SYNE1: variants seen among roughly 807,000 people sequenced by gnomAD.
SYNE1 encodes the protein spectrin repeat containing nuclear envelope protein 1.
A neutral mutation model predicts 1,111.0 loss-of-function variants in SYNE1; 616 were observed. The observed-to-expected ratio is 0.55, with a 90% CI of 0.52 to 0.59. The LOEUF (loss-of-function observed/expected upper bound fraction) is 0.59. SYNE1 is among the 20% of genes least tolerant of loss of function. The pLI, the probability that SYNE1 is intolerant of heterozygous loss-of-function variation, is 0.00. For synonymous variants in SYNE1, 3,855 were observed against 3,825.8 expected (o/e 1.01, Z -0.28); for missense variants, 10,006 against 10,417.0 (o/e 0.96, Z 1.72).
intron 114 of SYNE1, 57 bp downstream of exon 114, chr6:152,231,334 T>G: frequency 6.3e-7 from 1 of 1,588,092 alleles, no homozygotes; most frequent in East Asian, 2.2e-5. Flanking sequence ...CCTTACAGAG[T>G]GTGCCTGTTC....
At chr6:152,315,823 G>A (rs1172525803) in intron 87 of SYNE1, 1 of 152,172 alleles carries the variant, frequency 6.6e-6, no homozygotes, top group Non-Finnish European at 1.5e-5. Flanking sequence ...GAATACGCAA[G>A]ATTGATCAGA....
intron 19 of SYNE1, among the ~76,000 whole-genome samples, chr6:152,463,092 T>C (rs765084360): frequency 1.7e-4 from 26 of 152,188 alleles, no homozygotes; most frequent in Non-Finnish European, 3.7e-4. Context: ...TGAAGAAATA[T>C]GATTTGAAAC....
Position 152,148,614 on chromosome 6 carries a change from G to A in SYNE1, c.24643-236C>T, listed in dbSNP as rs2059896889. 6.6e-6 allele frequency among the ~76,000 whole-genome samples: 1 copy of A among 151,818 alleles called. No homozygotes were observed. The highest frequency in any genetic ancestry group is 2.1e-4 in the South Asian group (1 of 4,820). On this transcript the variant is annotated intron_variant, in intron 136 of 145. Coordinates refer to ENST00000367255, the MANE Select transcript of SYNE1 (RefSeq NM_182961.4). The surrounding 1 kb of genome is among the most constrained non-coding windows in gnomAD (Gnocchi z 4.1). The stretch of plus-strand genomic sequence containing the variant: ...CTTGGATAAGGAACTTAATTCCTCT[G>A]GGCCTCAGTTTTCTCATCTATAAAA...
chr6:152,368,234 C>T (rs905660014), intron 61 of SYNE1: 13 of 152,340 alleles, frequency 8.5e-5, no homozygotes. Flanking sequence ...AAGTTAAAAA[C>T]ATAGGAAACA....
rs74984131 is a variant in SYNE1, at chr6:152,348,896, A to G, written c.11901+1272T>C. On this transcript the variant is annotated intron_variant, in intron 72 of 145. Transcript: ENST00000367255. ...AAACAGCGCTGGGCTAGCAGTTATCATATATGCTCAGTTGAAAAGAACCAC... is the reference window on the plus strand; with the variant it reads ...AAACAGCGCTGGGCTAGCAGTTATCGTATATGCTCAGTTGAAAAGAACCAC... Among the ~76,000 whole-genome samples the G allele has an allele frequency of 7.2e-3, 1,098 of 152,242 alleles. 8 individuals carry two copies. The highest frequency in any genetic ancestry group is 0.018 in the South Asian group (88 of 4,818).
chr6:152,359,756 C>T (rs1259205951), intron 64 of SYNE1, among the ~76,000 whole-genome samples: 1 of 151,980 alleles, frequency 6.6e-6, no homozygotes, highest in African/African-American at 2.4e-5. Flanking sequence ...CAGAAATGGA[C>T]CCCTGATGTT....
chr6:152,136,422 G>C (rs149235654), intron 141 of SYNE1, among the ~76,000 whole-genome samples, 196 bp downstream of exon 141: 111 of 152,336 alleles, frequency 7.3e-4, no homozygotes, highest in African/African-American at 2.5e-3. Context: ...ATAGGACCTA[G>C]AGATTTTGAA....
In SYNE1 at chr6:152,176,426, C is replaced by T; in HGVS notation, c.23595G>A (p.Arg7865=). ...IEYKLGKVND[R]WQHLLDLIAA... ...CAATGAGGTCCAGGAGATGCTGCCA[C>T]CGGTCGTTGACCTTTCCCAGCTTGT... Residue 7865 remains arginine, a synonymous_variant, in exon 130 of 146, where the codon CGG becomes CGA. Coordinates refer to ENST00000367255, the MANE Select transcript of SYNE1 (RefSeq NM_182961.4). 6.2e-7 allele frequency: 1 copy of T among 1,614,220 alleles called. No homozygotes were observed. The highest frequency in any genetic ancestry group is 1.3e-5 in the African/African-American group (1 of 75,072).
At chr6:152,512,297 G>A (rs947535004) in intron 6 of SYNE1, among the ~76,000 whole-genome samples, 4 of 152,006 alleles carry the variant, frequency 2.6e-5, no homozygotes, top group Non-Finnish European at 4.4e-5. Context: ...ATTGAGAACT[G>A]GTATAGATTA....
At chr6:152,180,048 A>G in intron 129 of SYNE1, 88 bp downstream of exon 129, 1 of 1,387,672 alleles carries the variant, frequency 7.2e-7, no homozygotes, top group Non-Finnish European at 1.0e-6. Context: ...CAGGAAAGTA[A>G]TTGTGAGTAA....
rs1160345682 is a variant in SYNE1, at chr6:152,395,621, T to C, written c.7607A>G (p.Glu2536Gly). ...TCCCAAGTTTTCCGTATTGAACCTT[T>C]CTTCCATTTCATGGATCCATAAGTT... ...KLNLWIHEMEERFNTENLGES... is the reference protein window; with the variant it reads ...KLNLWIHEMEGRFNTENLGES... Residue 2536 changes from glutamate to glycine, a missense_variant, in exon 51 of 146, where the codon GAA (glutamate) becomes GGA (glycine). Glu to Gly is a moderately conservative substitution (Grantham distance 98). This residue lies in a region of SYNE1 where 4,955 missense variants were observed against 5,017.2 expected (regional missense o/e 0.99). Transcript: ENST00000367255. The C allele has an allele frequency of 6.2e-7, 1 of 1,614,182 alleles. No individual in the cohort carries two copies. The highest frequency in any genetic ancestry group is 1.1e-5 in the South Asian group (1 of 91,088).
At chr6:152,365,893 C>T (rs2097067518) in intron 62 of SYNE1, among the ~76,000 whole-genome samples, 1 of 152,238 alleles carries the variant, frequency 6.6e-6, no homozygotes, top group Non-Finnish European at 1.5e-5. Context: ...CCAGTTTCTG[C>T]TGTGGCAATA....
intron 105 of SYNE1, among the ~76,000 whole-genome samples, chr6:152,247,396 C>T (rs1200143481): frequency 2.6e-5 from 4 of 152,074 alleles, no homozygotes; most frequent in Non-Finnish European, 5.9e-5. Flanking sequence ...AAAATTATTA[C>T]TTGTGATCAT....
rs1410808064 is a variant in SYNE1 at position 152,225,458 on chromosome 6, A to G, written c.21351+263T>C. On this transcript the variant is annotated intron_variant, in intron 116 of 145. Transcript: ENST00000367255. ...TTGTATATCTTTTGCCAGGCTGGAG[A>G]CAGATGTTTGAGAATGATCTATTGC... Among the ~76,000 whole-genome samples, 3 of 151,998 alleles carry G rather than the reference A, an allele frequency of 2.0e-5. No homozygotes were observed. In the East Asian group the frequency reaches 5.8e-4, roughly 29 times the overall value.
At chr6:152,588,067 C>T (rs1049033091) in intron 3 of SYNE1, among the ~76,000 whole-genome samples, 3 of 152,188 alleles carry the variant, frequency 2.0e-5, no homozygotes, top group African/African-American at 7.2e-5. Context: ...AATTTCAAGA[C>T]TGCTTCACCT....
intron 13 of SYNE1, among the ~76,000 whole-genome samples, chr6:152,483,596 C>T (rs2098921438): frequency 6.6e-6 from 1 of 152,080 alleles, no homozygotes; most frequent in Non-Finnish European, 1.5e-5. Context: ...TGGTGACATG[C>T]TTGGAGGATG....
chr6:152,462,891 C>T lies in SYNE1; in HGVS notation c.2098-1G>A, dbSNP rs1331067922. The T allele has an allele frequency of 6.2e-7, 1 of 1,613,800 alleles. No homozygotes were observed. On this transcript the variant is annotated splice_acceptor_variant, in intron 19 of 145. Transcript: ENST00000367255. LOFTEE classifies it high-confidence loss of function. ...TGTCCATCTCATCAGCTTGAGCATA[C>T]TGTTAAGGAAAGGGAGGAGGGAACA...
intron 3 of SYNE1, among the ~76,000 whole-genome samples, chr6:152,624,998 A>G (rs979932557): frequency 3.9e-5 from 6 of 152,246 alleles, no homozygotes; most frequent in East Asian, 1.9e-4. Context: ...AAAAATGGGG[A>G]AAAAAAACCT....
Position 152,224,533 on chromosome 6 carries a change from G to GC in SYNE1, c.21482dup (p.Ser7162LeufsTer18). 6.2e-7 allele frequency: 1 copy of GC among 1,614,030 alleles called. No individual in the cohort carries two copies. Among genetic ancestry groups the GC allele is most frequent in the Non-Finnish European group, 8.5e-7 (1 of 1,179,962 alleles). On this transcript the variant is annotated frameshift_variant, in exon 117 of 146. Transcript: ENST00000367255. LOFTEE classifies it high-confidence loss of function. The stretch of plus-strand genomic sequence containing the variant: ...CCTGAACTTGCACAGCTTCTAAGGA[G>GC]CCAGTCAGCAGACGGAATCGGGAAA...
Sources: gnomAD v4.1 joint callset for allele counts (sites outside exome capture counted in the v4.1 genomes callset) on GRCh38, gnomAD v4.1.1 for gene constraint, gnomAD v4.1.1 regional missense constraint, Gnocchi (gnomAD v3.1) non-coding constraint, MANE v1.5 for transcripts, NCBI Gene and HGNC (gene_info 2026-07-23, HGNC 2026-07-21) for gene names.